Variants in PRDM11 observed in about 807,000 individuals in gnomAD.
PRDM11 encodes PR/SET domain 11.
In PRDM11, 20 loss-of-function variants were observed where a neutral mutation model predicts 97.8. The ratio of observed to expected loss-of-function variants is 0.20; its 90% confidence interval spans 0.14 to 0.30. PRDM11 has a LOEUF of 0.30. Ranked by LOEUF, PRDM11 falls within the 10% of genes least tolerant of loss-of-function variation. PRDM11 has a pLI of 1.00. For synonymous variants in PRDM11, 599 were observed against 637.7 expected (o/e 0.94, Z 0.91); for missense variants, 1,139 against 1,555.2 (o/e 0.73, Z 4.50).
chr11:45,163,964 A>C (rs1851996623), intron 1 of PRDM11, among the ~76,000 whole-genome samples: 2 of 152,152 alleles, frequency 1.3e-5, no homozygotes, highest in Non-Finnish European at 1.5e-5. Flanking sequence ...GAGGTTTGGC[A>C]GCCAGCAGCC....
rs1336653128 is a variant in PRDM11 at position 45,224,643 on chromosome 11, C to T, written c.1169C>T (p.Ala390Val). 1.2e-5 allele frequency: 20 copies of T among 1,614,058 alleles called. No homozygotes were observed. The highest frequency in any genetic ancestry group is 2.7e-5 in the African/African-American group (2 of 74,924). Residue 390 changes from alanine to valine, a missense_variant, in exon 7 of 8, where the codon GCC becomes GTC. By Grantham distance (64) the Ala-to-Val change is moderately conservative. Transcript: ENST00000683152. ...GAAGAGGAGCCTTCATCATTCAAGG[C>T]CGACAGTCCTGCCGAGGCCTCCCTT... ...DEEEEPSSFK[A>V]DSPAEASLAS...
upstream of PRDM11, among the ~76,000 whole-genome samples, chr11:45,143,523 A>T (rs573725655): frequency 3.3e-5 from 5 of 152,242 alleles, no homozygotes; most frequent in Admixed American, 1.3e-4. Context: ...TTTGTGAGAT[A>T]CGCTCAAGGG....
chr11:45,164,626 G>A (rs1220782689), intron 1 of PRDM11, among the ~76,000 whole-genome samples: 2 of 152,198 alleles, frequency 1.3e-5, no homozygotes, highest in African/African-American at 2.4e-5. Context: ...CTGTGCCTTT[G>A]GGTTATCATG....
intron 1 of PRDM11, among the ~76,000 whole-genome samples, chr11:45,113,365 T>C (rs1852226637): frequency 6.6e-6 from 1 of 152,254 alleles, no homozygotes; most frequent in African/African-American, 2.4e-5. Context: ...CCTTATAATA[T>C]AGTTTGAAGT....
chr11:45,192,200 G>C (rs1266085505), intron 4 of PRDM11, among the ~76,000 whole-genome samples: 2 of 152,152 alleles, frequency 1.3e-5, no homozygotes, highest in African/African-American at 4.8e-5. Flanking sequence ...CAGTCAGGTG[G>C]GGATGGTATT....
At chr11:45,177,612 T>A (rs112085126) in intron 1 of PRDM11, among the ~76,000 whole-genome samples, 2,184 of 152,320 alleles carry the variant, frequency 0.014, 50 homozygotes, top group African/African-American at 0.049. Flanking sequence ...TAGAGATGTC[T>A]ATGGGCCACT....
intron 1 of PRDM11, among the ~76,000 whole-genome samples, chr11:45,173,642 A>T (rs1490499334): frequency 1.3e-5 from 2 of 149,362 alleles, no homozygotes; most frequent in Non-Finnish European, 3.0e-5. Flanking sequence ...AAAAAAAAAA[A>T]GTTCTGCGGG....
At chr11:45,178,605 G>GT in intron 1 of PRDM11, among the ~76,000 whole-genome samples, 1 of 152,250 alleles carries the variant, frequency 6.6e-6, no homozygotes, top group Non-Finnish European at 1.5e-5. Flanking sequence ...AATGGGACCA[G>GT]TGGGACACAT....
rs1344754426 is a variant in PRDM11 at position 45,233,687 on chromosome 11, T to G, written c.*5528T>G. On this transcript the variant is annotated 3_prime_UTR_variant, in exon 8 of 8. Transcript: ENST00000683152. ...TGGCCTCCCTCACTTGCTCAACCACTGTCAGGAGGAGAGGATGTGGGCAGC... is the reference window on the plus strand; with the variant it reads ...TGGCCTCCCTCACTTGCTCAACCACGGTCAGGAGGAGAGGATGTGGGCAGC... 1.3e-5 allele frequency: 2 copies of G among 152,242 alleles called. No individual in the cohort carries two copies. Among genetic ancestry groups the G allele is most frequent in the African/African-American group, 4.8e-5 (2 of 41,448 alleles). 9.4% of individuals were successfully genotyped at this position (152,242 alleles called of 1,614,324 possible).
At chr11:45,184,559 A>G (rs1209340649) in intron 4 of PRDM11, among the ~76,000 whole-genome samples, 4 of 152,214 alleles carry the variant, frequency 2.6e-5, no homozygotes, top group Admixed American at 1.3e-4. Flanking sequence ...TGACTTAGAC[A>G]TAGACTAACT....
intron 5 of PRDM11, among the ~76,000 whole-genome samples, chr11:45,207,267 G>C (rs1390032979): frequency 6.6e-6 from 1 of 152,164 alleles, no homozygotes; most frequent in East Asian, 1.9e-4. Context: ...CACTGTCATG[G>C]CACCGCTTGG....
intron 1 of PRDM11, among the ~76,000 whole-genome samples, chr11:45,158,048 G>A (rs758914581): frequency 1.1e-4 from 16 of 152,230 alleles, no homozygotes; most frequent in African/African-American, 3.9e-4. Flanking sequence ...GCTGAGACCT[G>A]CCTCTGTGGC....
Position 45,224,597 on chromosome 11 carries a change from C to T in PRDM11, c.1123C>T (p.Pro375Ser), listed in dbSNP as rs755569397. 1 of 1,613,972 alleles carries T rather than the reference C, an allele frequency of 6.2e-7. No homozygotes were observed. Among genetic ancestry groups the T allele is most frequent in the African/African-American group, 1.3e-5 (1 of 74,886 alleles). Residue 375 changes from proline to serine, a missense_variant, in exon 7 of 8, where the codon CCA becomes TCA. Coordinates refer to ENST00000683152, the MANE Select transcript of PRDM11 (RefSeq NM_001384648.1). ...WKVPQGVSKE[P>S]GQLEDEEEEP... Reference sequence around the variant, plus strand: ...GGTCCCCCAGGGGGTCTCCAAGGAGCCAGGCCAATTGGAGGATGAAGAAGA... The same window carrying T: ...GGTCCCCCAGGGGGTCTCCAAGGAGTCAGGCCAATTGGAGGATGAAGAAGA...
At chr11:45,110,932 CT>C (rs769477888) in intron 1 of PRDM11, among the ~76,000 whole-genome samples, 2 of 152,206 alleles carry the variant, frequency 1.3e-5, no homozygotes, top group East Asian at 3.9e-4. Flanking sequence ...AGATTCCCCC[CT>C]TACCCCCCTT....
At position 45,181,122 on chromosome 11, in the gene PRDM11, G is replaced by A. The variant is rs939339736; in HGVS notation, c.-6-639G>A. On this transcript the variant is annotated intron_variant, in intron 1 of 7. Coordinates refer to ENST00000683152, the MANE Select transcript of PRDM11 (RefSeq NM_001384648.1). ...TCCCCGGGCTTGGCATGAGGACCCC[G>A]GGGTGCCGAGGGAGGGGCTGAAGCC... Among the ~76,000 whole-genome samples the A allele has an allele frequency of 4.6e-5, 7 of 152,320 alleles. No homozygotes were observed. In the East Asian group the frequency reaches 1.2e-3, roughly 25 times the overall value.
chr11:45,219,467 G>A lies in PRDM11; in HGVS notation c.555-103G>A, dbSNP rs566838855. 5.9e-6 allele frequency: 7 copies of A among 1,185,790 alleles called. No individual in the cohort carries two copies. The highest frequency in any genetic ancestry group is 7.1e-6 in the Non-Finnish European group (6 of 846,414). 73.5% of individuals were successfully genotyped at this position (1,185,790 alleles called of 1,614,324 possible). A position where few individuals can be genotyped will look rare whatever the true frequency, so the allele number is the denominator to read the frequency against. On this transcript the variant is annotated intron_variant, in intron 5 of 7. Transcript: ENST00000683152. The surrounding 1 kb of genome is among the most constrained non-coding windows in gnomAD (Gnocchi z 4.2). ...GATGTTCACATGGGCCCACGTGCCTGTGGACTTCTAACCATCCACACTTGC... is the reference window on the plus strand; with the variant it reads ...GATGTTCACATGGGCCCACGTGCCTATGGACTTCTAACCATCCACACTTGC...
At chr11:45,147,300 G>GCGCGGA (rs1318649615) in intron 1 of PRDM11, 7 of 150,820 alleles carry the variant, frequency 4.6e-5, no homozygotes, top group Middle Eastern at 3.5e-3. Flanking sequence ...ACGGGGCGGG[G>GCGCGGA]CGCGGACGCC....
Position 45,226,782 on chromosome 11 carries a change from G to A in PRDM11, c.2157G>A (p.Arg719=), listed in dbSNP as rs1299077656. The change falls in exon 8 of 8, where the codon CGG becomes CGA. Residue 719 remains arginine, a synonymous_variant. Transcript: ENST00000683152. The stretch of plus-strand genomic sequence containing the variant: ...GGGCCTTCTCGGCCTTGGGCATCCG[G>A]TTGCAGGATGAAAAGCCAACTGTTG... The part of the protein sequence containing the change: ...LDRAFSALGI[R]LQDEKPTVGL... 2.6e-6 allele frequency: 4 copies of A among 1,533,974 alleles called. No homozygotes were observed. The highest frequency in any genetic ancestry group is 3.5e-6 in the Non-Finnish European group (4 of 1,146,740).
At chr11:45,182,127 C>T (rs541750647) in intron 2 of PRDM11, 119 bp from the exon 3 acceptor site, 3 of 872,300 alleles carry the variant, frequency 3.4e-6, no homozygotes, top group East Asian at 5.3e-5. Context: ...CTGGCTGGGA[C>T]TCCTCTGCCC....
Sources: gnomAD v4.1 joint callset for allele counts (sites outside exome capture counted in the v4.1 genomes callset) on GRCh38, gnomAD v4.1.1 for gene constraint, Gnocchi (gnomAD v3.1) non-coding constraint, MANE v1.5 for transcripts, NCBI Gene and HGNC (gene_info 2026-07-23, HGNC 2026-07-21) for gene names.